The following DMD variants were observed in gnomAD, a reference collection of about 807,000 sequenced individuals.
DMD encodes the protein dystrophin, also known as mutant dystrophin.
Under a neutral mutation model 330.1 loss-of-function variants are expected in DMD, and 63 were observed. The ratio of observed to expected loss-of-function variants is 0.19; its 90% CI spans 0.16 to 0.24. DMD has a LOEUF of 0.24. DMD is among the 10% of genes least tolerant of loss of function. DMD has a pLI of 1.00. For missense variants in DMD, 3,344 were observed against 2,684.1 expected (o/e 1.25, Z -5.43); for synonymous variants, 1,223 against 959.8 (o/e 1.27, Z -5.07).
intron 45 of DMD, among the ~76,000 whole-genome samples, chrX:31,951,366 T>G (rs2095177115): frequency 9.4e-6 from 1 of 106,796 alleles, no homozygotes; most frequent in Admixed American, 1.0e-4. Flanking sequence ...TTTAGAGCAT[T>G]TCAAATTTCA....
At chrX:32,284,889 C>G (rs1278500631) in intron 43 of DMD, among the ~76,000 whole-genome samples, 1 of 111,768 alleles carries the variant, frequency 8.9e-6, no homozygotes. Flanking sequence ...CAGGGTGGAT[C>G]TATTGGGGCT....
At chrX:33,235,911 TTATTA>T (rs1219525836) in intron 1 of DMD, among the ~76,000 whole-genome samples, 36 of 99,687 alleles carry the variant, frequency 3.6e-4, no homozygotes, top group African/African-American at 1.3e-3. Flanking sequence ...ATTATTATTA[TTATTA>T]TTTTTTTTTT....
chrX:32,101,831 C>T (rs181212158), intron 44 of DMD, among the ~76,000 whole-genome samples: 3 of 110,997 alleles, frequency 2.7e-5, no homozygotes, highest in Non-Finnish European at 3.8e-5. Context: ...GTGGCAGCAC[C>T]GGGAGATTGT....
intron 1 of DMD, among the ~76,000 whole-genome samples, chrX:33,307,557 G>A (rs1438686366): frequency 4.5e-5 from 5 of 111,614 alleles, no homozygotes; most frequent in African/African-American, 6.5e-5. Flanking sequence ...GCTGGGTGTC[G>A]TGGCATACGC....
chrX:32,287,836 A>G (rs1472416532), intron 42 of DMD, 135 bp from the exon 43 acceptor site: 1 of 443,938 alleles, frequency 2.3e-6, no homozygotes, highest in Non-Finnish European at 3.5e-6. Flanking sequence ...TTTAAAGTTA[A>G]TAACCATGAA....
chrX:31,726,422 A>G (rs2086060902), intron 52 of DMD, among the ~76,000 whole-genome samples: 1 of 112,574 alleles, frequency 8.9e-6, no homozygotes, highest in Non-Finnish European at 1.9e-5. Flanking sequence ...TTACATACAT[A>G]TATTAACTAT....
intron 17 of DMD, among the ~76,000 whole-genome samples, chrX:32,529,945 T>C: frequency 9.0e-6 from 1 of 111,346 alleles, no homozygotes; most frequent in Non-Finnish European, 1.9e-5. Flanking sequence ...TCTAGTTTTA[T>C]ATGTGTAATT....
chrX:32,453,098 A>G (rs5972575), intron 26 of DMD, among the ~76,000 whole-genome samples: 1 of 110,936 alleles, frequency 9.0e-6, no homozygotes, highest in African/African-American at 3.3e-5. Flanking sequence ...CTGCCTGAAC[A>G]TTATTCATTC....
intron 52 of DMD, among the ~76,000 whole-genome samples, chrX:31,690,273 G>GA (rs1466123457): frequency 1.8e-5 from 2 of 111,506 alleles, no homozygotes; most frequent in Non-Finnish European, 3.8e-5. Flanking sequence ...AAACTTACAA[G>GA]AAAAAACAAA....
chrX:32,483,362 G>C (rs1007238242), intron 21 of DMD, among the ~76,000 whole-genome samples: 4 of 105,674 alleles, frequency 3.8e-5, no homozygotes, highest in African/African-American at 1.0e-4. Flanking sequence ...AAAGATGATA[G>C]GGATGGATGG....
chrX:31,169,406 T>C, intron 74 of DMD, 37 bp downstream of exon 74: 1 of 1,104,366 alleles, frequency 9.1e-7, no homozygotes, highest in South Asian at 1.9e-5. Context: ...GTGTATGCAC[T>C]CTGCATACCA....
chrX:31,678,163 A>C (rs2082181030), intron 53 of DMD, among the ~76,000 whole-genome samples: 1 of 112,248 alleles, frequency 8.9e-6, no homozygotes. Flanking sequence ...TTCAGAGTTC[A>C]TTTCTTACTA....
intron 1 of DMD, among the ~76,000 whole-genome samples, chrX:33,048,287 A>G (rs1256885030): frequency 1.8e-5 from 2 of 111,853 alleles, no homozygotes; most frequent in African/African-American, 6.5e-5. Flanking sequence ...CTGTGCTGGC[A>G]GAACTAAAGG....
At chrX:32,952,786 C>T (rs1450726864) in intron 2 of DMD, among the ~76,000 whole-genome samples, 1 of 110,769 alleles carries the variant, frequency 9.0e-6, no homozygotes, top group Non-Finnish European at 1.9e-5. Context: ...GATGAGCTTT[C>T]TAATAATATT....
intron 44 of DMD, among the ~76,000 whole-genome samples, chrX:32,118,782 G>A (rs2096622139): frequency 9.3e-6 from 1 of 107,244 alleles, no homozygotes; most frequent in Non-Finnish European, 1.9e-5. Context: ...GGCGGGTGGG[G>A]TTGTGGGGAG....
At chrX:31,959,776 T>G (rs78813610) in intron 45 of DMD, among the ~76,000 whole-genome samples, 6 of 59,519 alleles carry the variant, frequency 1.0e-4, no homozygotes, top group African/African-American at 3.1e-4. Context: ...GTGGTTTTTT[T>G]TTTTTTTTTT....
chrX:31,875,203 T>A lies in DMD; in HGVS notation c.7083A>T (p.Gly2361=). Residue 2361 remains glycine, a synonymous_variant, in exon 48 of 79, where the codon GGA becomes GGT. Transcript: ENST00000357033. Reference sequence around the variant, plus strand: ...AGTTCCCTACCTTAACGTCAAATGGTCCTTCTTGGTTTGGTTGGTTATAAA... The same window carrying A: ...AGTTCCCTACCTTAACGTCAAATGGACCTTCTTGGTTTGGTTGGTTATAAA... The part of the protein sequence containing the change: ...LEIYNQPNQE[G]PFDVKETEIA... 2.5e-6 allele frequency: 3 copies of A among 1,206,961 alleles called. No homozygotes were observed. Among genetic ancestry groups the A allele is most frequent in the Non-Finnish European group, 3.4e-6 (3 of 893,152 alleles).
intron 63 of DMD, 68 bp downstream of exon 63, chrX:31,260,887 A>C (rs938111686): frequency 1.3e-5 from 13 of 1,038,087 alleles, no homozygotes; most frequent in Non-Finnish European, 1.8e-5. Context: ...TAACTTTCAC[A>C]CTGCAAACTA....
At chrX:32,496,779 A>G (rs1306327989) in intron 19 of DMD, among the ~76,000 whole-genome samples, 2 of 112,807 alleles carry the variant, frequency 1.8e-5, no homozygotes, top group Non-Finnish European at 3.7e-5. Flanking sequence ...TCAATTAAAA[A>G]CATTTATTGA....
Sources: gnomAD v4.1 joint callset for allele counts (sites outside exome capture counted in the v4.1 genomes callset) on GRCh38, gnomAD v4.1.1 for gene constraint, MANE v1.5 for transcripts, NCBI Gene and HGNC (gene_info 2026-07-23, HGNC 2026-07-21) for gene names.